Variants in MARCHF1 observed in about 807,000 individuals in gnomAD.
The protein encoded by MARCHF1 is membrane associated ring-CH-type finger 1, also known as E3 ubiquitin-protein ligase MARCHF1.
In MARCHF1, 40 loss-of-function variants were observed where a neutral mutation model predicts 54.2. That is an observed-to-expected ratio of 0.74 (90% CI 0.57 to 0.96). MARCHF1 has a LOEUF of 0.96. Among genes scored for constraint, MARCHF1 ranks in the 40% least tolerant of loss-of-function variants. MARCHF1 has a pLI of 0.00. For missense variants in MARCHF1, 586 were observed against 656.5 expected, an observed-to-expected ratio of 0.89 and a Z score of 1.17; for synonymous variants, 236 against 236.3, an observed-to-expected ratio of 1.00 and a Z score of 0.01.
intron 2 of MARCHF1, among the ~76,000 whole-genome samples, chr4:164,095,645 G>A (rs1164029211): frequency 6.6e-6 from 1 of 151,960 alleles, no homozygotes; most frequent in African/African-American, 2.4e-5. Context: ...ATCTGTTACT[G>A]TAAAAAAGTA....
chr4:164,046,295 T>C (rs556808315), intron 2 of MARCHF1, among the ~76,000 whole-genome samples: 8 of 152,370 alleles, frequency 5.3e-5, no homozygotes, highest in African/African-American at 1.9e-4. Flanking sequence ...TTTTGCTGTA[T>C]ACATATTCTT....
chr4:163,867,986 C>T (rs1331282878), intron 3 of MARCHF1, among the ~76,000 whole-genome samples: 1 of 151,722 alleles, frequency 6.6e-6, no homozygotes, highest in Non-Finnish European at 1.5e-5. Context: ...GGTTACTTAC[C>T]TGTTTCCCCA....
chr4:163,700,179 T>C (rs1261494242), intron 5 of MARCHF1, among the ~76,000 whole-genome samples: 3 of 151,952 alleles, frequency 2.0e-5, no homozygotes, highest in Non-Finnish European at 4.4e-5. Context: ...GTGTTTGAAA[T>C]GAGAGAAAAA....
intron 1 of MARCHF1, among the ~76,000 whole-genome samples, chr4:164,187,947 G>A (rs549033692): frequency 1.3e-5 from 2 of 152,032 alleles, no homozygotes; most frequent in East Asian, 1.9e-4. Context: ...ATTGTAAATG[G>A]CAATTATTTC....
intron 1 of MARCHF1, among the ~76,000 whole-genome samples, chr4:164,360,490 G>A (rs1284535668): frequency 6.6e-6 from 1 of 152,158 alleles, no homozygotes; most frequent in Non-Finnish European, 1.5e-5. Flanking sequence ...CATGGTGATG[G>A]TATGTGTTCA....
chr4:163,833,375 A>G (rs893756071), intron 4 of MARCHF1, among the ~76,000 whole-genome samples: 3 of 152,228 alleles, frequency 2.0e-5, no homozygotes, highest in African/African-American at 4.8e-5. Flanking sequence ...ATGGGATCTA[A>G]TTAAACTAAA....
Position 163,963,874 on chromosome 4 carries a change from A to C in MARCHF1, c.-39+24627T>G, listed in dbSNP as rs561139154. 7.2e-5 allele frequency among the ~76,000 whole-genome samples: 11 copies of C among 152,096 alleles called. No individual in the cohort carries two copies. In the South Asian group the frequency reaches 2.1e-3, roughly 29 times the overall value. ...AGAAACAGTCATGGACATCCAGCCT[A>C]GTCCAACTTTTGGAGTTCTCTAGCT... On this transcript the variant is annotated intron_variant, in intron 3 of 9. Transcript: ENST00000514618.
At chr4:164,205,972 T>C (rs1354692975) in intron 1 of MARCHF1, among the ~76,000 whole-genome samples, 2 of 152,174 alleles carry the variant, frequency 1.3e-5, no homozygotes, top group Non-Finnish European at 2.9e-5. Flanking sequence ...TCAGCTTTAA[T>C]AATATGAAAC....
chr4:163,534,990 A>G (rs1254062978), intron 9 of MARCHF1, among the ~76,000 whole-genome samples: 3 of 152,058 alleles, frequency 2.0e-5, no homozygotes, highest in Non-Finnish European at 4.4e-5. Flanking sequence ...TTATTTATAA[A>G]TTTCCCAAGT....
intron 8 of MARCHF1, among the ~76,000 whole-genome samples, chr4:163,548,376 T>C (rs1665208671): frequency 9.8e-6 from 1 of 102,504 alleles, no homozygotes; most frequent in South Asian, 2.6e-4. Context: ...AAAATACTAT[T>C]AAAATTGGGA....
chr4:163,821,793 GTT>G (rs35402027), intron 4 of MARCHF1, among the ~76,000 whole-genome samples: 92 of 143,886 alleles, frequency 6.4e-4, no homozygotes, highest in East Asian at 1.2e-3. Context: ...GGAAAAGAGG[GTT>G]TTTTTTTTTT....
In MARCHF1 at chr4:163,586,035, G is replaced by T. The variant is rs1370275429; in HGVS notation, c.1011-106C>A. On this transcript the variant is annotated intron_variant, in intron 7 of 9. Coordinates refer to ENST00000514618, the MANE Select transcript of MARCHF1 (RefSeq NM_001394959.1). Reference sequence around the variant, plus strand: ...AGGGCTATTATAAACCGCAACCTAAGATTTAGAACACATGGACATTTTACT... The same window carrying T: ...AGGGCTATTATAAACCGCAACCTAATATTTAGAACACATGGACATTTTACT... 3.3e-6 allele frequency: 3 copies of T among 913,658 alleles called. No homozygotes were observed. The African/African-American group carries it at 5.1e-5, about 15-fold the overall frequency. 56.6% of individuals were successfully genotyped at this position (913,658 alleles called of 1,614,324 possible).
At chr4:163,921,589 T>C (rs376824142) in intron 3 of MARCHF1, among the ~76,000 whole-genome samples, 1 of 150,864 alleles carries the variant, frequency 6.6e-6, no homozygotes, top group Non-Finnish European at 1.5e-5. Context: ...AGTACACACA[T>C]ACTTTAGGAA....
intron 3 of MARCHF1, among the ~76,000 whole-genome samples, chr4:163,907,328 TTG>T (rs553688469): frequency 1.7e-4 from 26 of 152,178 alleles, no homozygotes; most frequent in South Asian, 1.7e-3. Context: ...TTGTGTAATT[TTG>T]TCTTGTTTGT....
At chr4:164,224,848 A>C (rs1046481818) in intron 1 of MARCHF1, among the ~76,000 whole-genome samples, 1 of 152,128 alleles carries the variant, frequency 6.6e-6, no homozygotes, top group Non-Finnish European at 1.5e-5. Context: ...ATACAAAAAA[A>C]GGAGAAAGAG....
At chr4:163,728,266 T>C (rs1745727126) in intron 4 of MARCHF1, among the ~76,000 whole-genome samples, 1 of 152,198 alleles carries the variant, frequency 6.6e-6, no homozygotes, top group Admixed American at 6.5e-5. Flanking sequence ...GAAGCCCTAA[T>C]GTCAGGTAGT....
At chr4:164,073,592 C>T (rs1481917265) in intron 2 of MARCHF1, among the ~76,000 whole-genome samples, 2 of 151,674 alleles carry the variant, frequency 1.3e-5, no homozygotes, top group Non-Finnish European at 2.9e-5. Flanking sequence ...ACATGCATAC[C>T]TATATAACAA....
At chr4:164,243,283 G>C (rs1243017401) in intron 1 of MARCHF1, among the ~76,000 whole-genome samples, 4 of 140,696 alleles carry the variant, frequency 2.8e-5, no homozygotes, top group Non-Finnish European at 6.1e-5. Context: ...GGATCTCTCG[G>C]CAGAAACCCT....
intron 9 of MARCHF1, chr4:163,530,426 C>T (rs1738307395): frequency 6.6e-6 from 1 of 151,874 alleles, no homozygotes. Context: ...TTATATTTTT[C>T]TTTAAATACC....
Sources: allele counts gnomAD v4.1 joint callset (sites outside exome capture counted in the v4.1 genomes callset), GRCh38; gene constraint gnomAD v4.1.1; transcripts MANE v1.5; gene names NCBI Gene and HGNC (gene_info 2026-07-23, HGNC 2026-07-21).